The following STARD8 variants were observed in gnomAD, a reference collection of about 807,000 sequenced individuals.
STARD8 encodes the protein StAR related lipid transfer domain containing 8, also known as stAR-related lipid transfer protein 8.
In STARD8, 25 loss-of-function variants were observed where a neutral mutation model predicts 69.4. That is an observed-to-expected ratio of 0.36 (90% CI 0.26 to 0.50). The LOEUF is 0.50. Among genes scored for constraint, STARD8 ranks in the 20% least tolerant of loss-of-function variants. The pLI, the probability that STARD8 is intolerant of heterozygous loss-of-function variation, is 0.96. For synonymous variants in STARD8, 389 were observed against 374.6 expected (o/e 1.04, Z -0.45); for missense variants, 921 against 932.5 (o/e 0.99, Z 0.16).
chrX:68,679,814 G>A (rs1359878021), intron 2 of STARD8, among the ~76,000 whole-genome samples: 1 of 111,918 alleles, frequency 8.9e-6, no homozygotes, highest in African/African-American at 3.3e-5. Context: ...CCACCATCTA[G>A]GCCTTCCGAT....
At chrX:68,654,705 C>T (rs2079600708) in intron 1 of STARD8, among the ~76,000 whole-genome samples, 1 of 111,021 alleles carries the variant, frequency 9.0e-6, no homozygotes, top group Non-Finnish European at 1.9e-5. Flanking sequence ...TGTGAGGTTT[C>T]ACACCCCCTG....
chrX:68,653,005 ACAC>A (rs2079567402), intron 1 of STARD8, among the ~76,000 whole-genome samples: 1 of 38,864 alleles, frequency 2.6e-5, no homozygotes, highest in Non-Finnish European at 4.8e-5. Flanking sequence ...CACCACACAC[ACAC>A]CACCACACAC....
chrX:68,655,732 G>T lies in STARD8; in HGVS notation c.45+7805G>T, dbSNP rs1452782690. On this transcript the variant is annotated intron_variant, in intron 1 of 14. Transcript: ENST00000374599. ...GGACCAGAGTAGAAGGCAGCTTAGT[G>T]TTGCCAAAGGAGCACTGGACACAGA... is the stretch of plus-strand genomic sequence containing the variant. Among the ~76,000 whole-genome samples the T allele has an allele frequency of 3.6e-5, 4 of 111,767 alleles. No individual in the cohort carries two copies. The East Asian group carries it at 1.1e-3, about 32-fold the overall frequency.
chrX:68,718,862 C>T (rs1602613502), intron 6 of STARD8, among the ~76,000 whole-genome samples: 2 of 111,564 alleles, frequency 1.8e-5, no homozygotes, highest in Admixed American at 1.9e-4. Context: ...GCCTCAGTTT[C>T]CTCATCTGTA....
chrX:68,653,708 A>C (rs1211704493), intron 1 of STARD8, among the ~76,000 whole-genome samples: 3 of 75,057 alleles, frequency 4.0e-5, no homozygotes, highest in African/African-American at 1.1e-4. Flanking sequence ...CCACACATAC[A>C]CCACACACAC....
chrX:68,651,993 GCC>G lies in STARD8; in HGVS notation c.45+4068_45+4069del, dbSNP rs1569350427. Among the ~76,000 whole-genome samples, 6 of 106,637 alleles carry G rather than the reference GCC, an allele frequency of 5.6e-5. No homozygotes were observed. In the South Asian group the frequency reaches 2.6e-3, roughly 45 times the overall value. 92.6% of individuals were successfully genotyped at this position (106,637 alleles called of 115,157 possible). A position where few individuals can be genotyped will look rare whatever the true frequency, so the allele number is the denominator to read the frequency against. On this transcript the variant is annotated intron_variant, in intron 1 of 14. Transcript: ENST00000374599. Reference sequence around the variant, plus strand: ...CTCCCGAGTAGCTGGAATTACAGGCGCCCGCCACCACGCCCAGCTAATTTTTT... The same window carrying G: ...CTCCCGAGTAGCTGGAATTACAGGCGCGCCACCACGCCCAGCTAATTTTTT...
intron 2 of STARD8, among the ~76,000 whole-genome samples, chrX:68,709,055 A>G (rs780409210): frequency 1.8e-5 from 2 of 111,128 alleles, no homozygotes; most frequent in Non-Finnish European, 3.8e-5. Flanking sequence ...ACCAAGACAT[A>G]TGTCTCTGAC....
intron 2 of STARD8, among the ~76,000 whole-genome samples, chrX:68,703,204 G>A (rs1417589091): frequency 8.9e-6 from 1 of 112,254 alleles, no homozygotes; most frequent in African/African-American, 3.2e-5. Context: ...AGGCTGCAGT[G>A]AGCTGTGATT....
At position 68,717,533 on chromosome X, in the gene STARD8, C is replaced by T. The variant is rs779092501; in HGVS notation, c.619C>T (p.Arg207Cys). ...QDKAKKRHRN[R>C]SFLKHLESLR... is the part of the protein sequence containing the mutation. ...CAAAGCCAAGAAGCGCCATCGTAAC[C>T]GTAGCTTCCTCAAGCACCTTGAATC... Residue 207 changes from arginine to cysteine, a missense_variant, in exon 6 of 15, where the codon CGT becomes TGT. Coordinates refer to ENST00000374599, the MANE Select transcript of STARD8 (RefSeq NM_001142503.3). 9.1e-6 allele frequency: 11 copies of T among 1,211,213 alleles called. No homozygotes were observed. In the East Asian group the frequency reaches 1.2e-4, roughly 13 times the overall value.
chrX:68,718,843 C>T (rs910580139), intron 6 of STARD8, among the ~76,000 whole-genome samples: 2 of 111,578 alleles, frequency 1.8e-5, no homozygotes, highest in Non-Finnish European at 3.8e-5. Context: ...ATGATGCTCT[C>T]CTCTCTGGGC....
chrX:68,713,996 C>T (rs1437926926), intron 3 of STARD8, among the ~76,000 whole-genome samples: 1 of 111,976 alleles, frequency 8.9e-6, no homozygotes. Context: ...TCTCCTATCT[C>T]TAACCCTTCA....
At chrX:68,668,205 T>G (rs1308215120) in intron 2 of STARD8, among the ~76,000 whole-genome samples, 1 of 102,799 alleles carries the variant, frequency 9.7e-6, no homozygotes, top group Non-Finnish European at 2.0e-5. Flanking sequence ...CTTCCTTCCT[T>G]CCCTCCTCCT....
At chrX:68,693,477 G>A (rs1289863327) in intron 2 of STARD8, among the ~76,000 whole-genome samples, 1 of 112,715 alleles carries the variant, frequency 8.9e-6, no homozygotes, top group African/African-American at 3.2e-5. Context: ...CGGAGGGAAA[G>A]GCAGCGGCGA....
rs1206925164 is a variant in STARD8 at position 68,668,280 on chromosome X, CTT to C, written c.79+2750_79+2751del. Among the ~76,000 whole-genome samples the C allele has an allele frequency of 8.5e-3, 704 of 82,463 alleles. 5 individuals carry two copies. The highest frequency in any genetic ancestry group is 0.025 in the African/African-American group (462 of 18,328). The allele number at this position is 82,463 out of a possible 115,157, so 71.6% of individuals were successfully genotyped here. A position where few individuals can be genotyped will look rare whatever the true frequency, so the allele number is the denominator to read the frequency against. ...TTTCTTTCTTTCTTTCTTTCTCTTT[CTT>C]TCTTTCTTTCTTTCTTTCTTCTTTT... On this transcript the variant is annotated intron_variant, in intron 2 of 14. Coordinates refer to ENST00000374599, the MANE Select transcript of STARD8 (RefSeq NM_001142503.3).
At chrX:68,687,661 C>G (rs1304671933) in intron 2 of STARD8, among the ~76,000 whole-genome samples, 1 of 112,475 alleles carries the variant, frequency 8.9e-6, no homozygotes, top group Admixed American at 9.4e-5. Flanking sequence ...GAGGGCAAGA[C>G]TCTCAGCCAG....
At chrX:68,681,219 CAGGCAAA>C (rs2147893270) in intron 2 of STARD8, among the ~76,000 whole-genome samples, 1 of 111,763 alleles carries the variant, frequency 8.9e-6, no homozygotes, top group Non-Finnish European at 1.9e-5. Flanking sequence ...AAGGTAGAGA[CAGGCAAA>C]AGGCTGAGAC....
At chrX:68,676,686 C>T (rs753866083) in intron 2 of STARD8, among the ~76,000 whole-genome samples, 1 of 112,227 alleles carries the variant, frequency 8.9e-6, no homozygotes, top group Non-Finnish European at 1.9e-5. Context: ...TTCCTTTCAC[C>T]TATGGATTAA....
At chrX:68,661,966 C>CTTTCTT (rs1215178287) in intron 1 of STARD8, among the ~76,000 whole-genome samples, 188 of 71,883 alleles carry the variant, frequency 2.6e-3, no homozygotes, top group African/African-American at 0.014. Context: ...CTCTCTCTCT[C>CTTTCTT]TCTCTCTTTC....
chrX:68,698,364 A>T (rs747600323), intron 2 of STARD8, among the ~76,000 whole-genome samples: 1 of 111,319 alleles, frequency 9.0e-6, no homozygotes, highest in Non-Finnish European at 1.9e-5. Flanking sequence ...AGAAATGCCC[A>T]CCCAAAGGGT....
Sources: allele counts gnomAD v4.1 joint callset (sites outside exome capture counted in the v4.1 genomes callset), GRCh38; gene constraint gnomAD v4.1.1; transcripts MANE v1.5; gene names NCBI Gene and HGNC (gene_info 2026-07-23, HGNC 2026-07-21).